Variants in DDX4 observed in about 807,000 individuals in gnomAD.
DDX4 encodes probable ATP-dependent RNA helicase DDX4.
Under a neutral mutation model 100.0 loss-of-function variants are expected in DDX4, and 25 were observed. That is an observed-to-expected ratio of 0.25 (90% confidence interval 0.18 to 0.35). The LOEUF is 0.35. Among genes scored for constraint, DDX4 ranks in the 10% least tolerant of loss-of-function variants. The pLI is 1.00. For missense variants in DDX4, 635 were observed against 882.4 expected (o/e 0.72, Z 3.55); for synonymous variants, 259 against 275.7 (o/e 0.94, Z 0.60).
intron 18 of DDX4, among the ~76,000 whole-genome samples, chr5:55,806,012 C>T (rs370604563): frequency 1.1e-4 from 17 of 152,016 alleles, no homozygotes; most frequent in South Asian, 6.2e-4. Context: ...GCCTGTTATT[C>T]GTCTATTCAG....
intron 18 of DDX4, among the ~76,000 whole-genome samples, chr5:55,810,289 G>A (rs1360771384): frequency 1.3e-5 from 2 of 152,074 alleles, no homozygotes; most frequent in African/African-American, 4.8e-5. Flanking sequence ...ATTTTTAGTA[G>A]AGATGGGGTT....
chr5:55,763,053 G>T (rs538328167), intron 4 of DDX4, 122 bp from the exon 5 acceptor site: 33 of 623,988 alleles, frequency 5.3e-5, no homozygotes, highest in Non-Finnish European at 8.5e-5. Context: ...TTAGGTTTCT[G>T]TGCTACTCTT....
intron 4 of DDX4, among the ~76,000 whole-genome samples, chr5:55,762,723 G>A (rs979688455): frequency 2.6e-5 from 4 of 151,986 alleles, no homozygotes; most frequent in Middle Eastern, 3.2e-3. Flanking sequence ...CCCTTATGTA[G>A]CCCCTTGTTT....
intron 18 of DDX4, among the ~76,000 whole-genome samples, chr5:55,800,362 C>T (rs1293092544): frequency 1.4e-5 from 2 of 144,328 alleles, no homozygotes; most frequent in Non-Finnish European, 3.0e-5. Flanking sequence ...CTTGCTCTGT[C>T]ACCCAGGCTG....
chr5:55,760,816 CTTAATA>C lies in DDX4; in HGVS notation c.205+544_205+549del, dbSNP rs1333473962. ...CACCTTTCTACAGTCCATTTTTAGACTTAATATTAACATGCTAGAAATATGTGCTAT... is the reference window on the plus strand; with the variant it reads ...CACCTTTCTACAGTCCATTTTTAGACTTAACATGCTAGAAATATGTGCTAT... On this transcript the variant is annotated intron_variant, in intron 4 of 21. Transcript: ENST00000505374. Among the ~76,000 whole-genome samples the C allele has an allele frequency of 2.6e-5, 4 of 152,224 alleles. No homozygotes were observed. The South Asian group carries it at 6.2e-4, about 24-fold the overall frequency.
Position 55,763,166 on chromosome 5 carries a change from CT to C in DDX4, c.206-4del, listed in dbSNP as rs770248173. On this transcript the variant is annotated splice_region_variant and splice_polypyrimidine_tract_variant and intron_variant, in intron 4 of 21. Transcript: ENST00000505374. The stretch of plus-strand genomic sequence containing the variant: ...ATGTTAAAGAGTTTAACTGTCCACC[CT>C]TTTTCAGATGCTGGTGAGTGTAATA... 2.5e-6 allele frequency: 4 copies of C among 1,593,622 alleles called. No individual in the cohort carries two copies. The highest frequency in any genetic ancestry group is 1.3e-5 in the African/African-American group (1 of 74,308).
chr5:55,751,230 C>G (rs1372531192), intron 3 of DDX4, among the ~76,000 whole-genome samples: 2 of 151,778 alleles, frequency 1.3e-5, no homozygotes, highest in African/African-American at 4.8e-5. Context: ...AAAGTAAAAT[C>G]TTTTTTTTGT....
intron 6 of DDX4, chr5:55,767,020 C>G: frequency 6.7e-7 from 1 of 1,493,804 alleles, no homozygotes; most frequent in South Asian, 1.3e-5. Flanking sequence ...TATTTTAAAA[C>G]TCTGGGAATG....
At chr5:55,777,824 A>G (rs1165563881) in intron 7 of DDX4, among the ~76,000 whole-genome samples, 2 of 152,234 alleles carry the variant, frequency 1.3e-5, no homozygotes, top group African/African-American at 2.4e-5. Flanking sequence ...AGGTAGAATT[A>G]TTAAGGATAA....
chr5:55,764,625 C>T (rs1371503577), intron 6 of DDX4, among the ~76,000 whole-genome samples: 1 of 152,070 alleles, frequency 6.6e-6, no homozygotes, highest in Non-Finnish European at 1.5e-5. Flanking sequence ...TAAAAGCATC[C>T]ATGGTGATCC....
At chr5:55,763,122 A>T in intron 4 of DDX4, 53 bp from the exon 5 acceptor site, 1 of 1,180,642 alleles carries the variant, frequency 8.5e-7, no homozygotes, top group Non-Finnish European at 1.3e-6. Flanking sequence ...GTTTTTGATG[A>T]TGACACACTT....
intron 6 of DDX4, among the ~76,000 whole-genome samples, chr5:55,767,646 C>T (rs539163729): frequency 6.6e-6 from 1 of 151,952 alleles, no homozygotes; most frequent in African/African-American, 2.4e-5. Context: ...AGTAGGTTCT[C>T]AATTTCATAT....
chr5:55,757,065 C>G (rs1759984393), intron 3 of DDX4, among the ~76,000 whole-genome samples: 1 of 152,096 alleles, frequency 6.6e-6, no homozygotes, highest in East Asian at 1.9e-4. Flanking sequence ...ACAAGGTAAA[C>G]TGGGTTAATT....
Position 55,792,711 on chromosome 5 carries a change from C to T in DDX4, c.1373C>T (p.Pro458Leu). The change falls in exon 17 of 22, where the codon CCA (proline) becomes CTA (leucine). Residue 458 changes from proline to leucine, a missense_variant. Coordinates refer to ENST00000505374, the MANE Select transcript of DDX4 (RefSeq NM_024415.3). ...ADRMLDMGFG[P>L]EMKKLISCPG... is the part of the protein sequence containing the mutation. ...CGCATGTTGGATATGGGTTTTGGTC[C>T]AGAAATGAAGAAGTTAATTTCTTGC... The T allele has an allele frequency of 6.2e-7, 1 of 1,604,124 alleles. No individual in the cohort carries two copies. The highest frequency in any genetic ancestry group is 8.5e-7 in the Non-Finnish European group (1 of 1,174,056).
rs909624013 is a variant in DDX4, at chr5:55,792,535, A to G, written c.1303-106A>G. 7 of 463,648 alleles carry G rather than the reference A, an allele frequency of 1.5e-5. No homozygotes were observed. In the Admixed American group the frequency reaches 2.6e-4, roughly 17 times the overall value. The allele number at this position is 463,648 out of a possible 1,614,324, so 28.7% of individuals were successfully genotyped here. ...CCAACACGCCTGGCTAATTTTTTGT[A>G]TTTTTTTTTTTTTCTTAACAGTATT... is the stretch of plus-strand genomic sequence containing the variant. On this transcript the variant is annotated intron_variant, in intron 16 of 21. Coordinates refer to ENST00000505374, the MANE Select transcript of DDX4 (RefSeq NM_024415.3).
chr5:55,790,266 A>G (rs1048504655), intron 15 of DDX4, among the ~76,000 whole-genome samples: 43 of 147,340 alleles, frequency 2.9e-4, no homozygotes, highest in African/African-American at 1.0e-3. Context: ...TGCCTCAGCC[A>G]CCTGAGTAGC....
intron 9 of DDX4, among the ~76,000 whole-genome samples, chr5:55,781,546 G>A (rs1285707483): frequency 6.6e-6 from 1 of 152,182 alleles, no homozygotes; most frequent in Non-Finnish European, 1.5e-5. Context: ...GGAGGCTGAG[G>A]CAGGTGGATC....
intron 3 of DDX4, among the ~76,000 whole-genome samples, chr5:55,747,238 T>C (rs1759292135): frequency 6.6e-6 from 1 of 151,876 alleles, no homozygotes; most frequent in Admixed American, 6.6e-5. Flanking sequence ...AAAATTAGGG[T>C]GTGGTGCTGC....
At chr5:55,793,065 T>TGTTTGTGTG (rs1160621818) in intron 17 of DDX4, among the ~76,000 whole-genome samples, 91 of 149,074 alleles carry the variant, frequency 6.1e-4, no homozygotes, top group African/African-American at 2.1e-3. Context: ...TTTGTGTGTG[T>TGTTTGTGTG]TGTTGTTGTT....
Sources: gnomAD v4.1 joint callset for allele counts (sites outside exome capture counted in the v4.1 genomes callset) on GRCh38, gnomAD v4.1.1 for gene constraint, MANE v1.5 for transcripts, NCBI Gene and HGNC (gene_info 2026-07-23, HGNC 2026-07-21) for gene names.